Variants in C9orf43 observed in about 807,000 individuals in gnomAD.
C9orf43 encodes uncharacterized protein C9orf43.
In C9orf43, 45 loss-of-function variants were observed where a neutral mutation model predicts 59.1. The observed-to-expected ratio is 0.76, with a 90% confidence interval of 0.60 to 0.98. The LOEUF is 0.98. Ranked by LOEUF, C9orf43 falls within the 50% of genes least tolerant of loss-of-function variation. The pLI is 0.00. For missense variants in C9orf43, 533 were observed against 554.9 expected (o/e 0.96, Z 0.40); for synonymous variants, 203 against 196.8 (o/e 1.03, Z -0.26).
rs1416595880 is a variant in C9orf43 at position 113,429,256 on chromosome 9, A to C, written c.1256A>C (p.Gln419Pro). 2 of 1,614,262 alleles carry C rather than the reference A, an allele frequency of 1.2e-6. No homozygotes were observed. Among genetic ancestry groups the C allele is most frequent in the South Asian group, 2.2e-5 (2 of 91,088 alleles). The change falls in exon 14 of 14, where the codon CAA becomes CCA. Residue 419 changes from glutamine to proline, a missense_variant. Transcript: ENST00000374165. ...GTGCCAGAAGCCCAGGCTGCCAGGCAAAAGAAGATCTCCTTTAACTTTTCA... is the reference window on the plus strand; with the variant it reads ...GTGCCAGAAGCCCAGGCTGCCAGGCCAAAGAAGATCTCCTTTAACTTTTCA... Reference protein sequence around the residue: ...DAVPEAQAARQKKISFNFSEI... With the variant: ...DAVPEAQAARPKKISFNFSEI...
At chr9:113,414,357 C>T (rs1362261618) in intron 3 of C9orf43, among the ~76,000 whole-genome samples, 1 of 152,032 alleles carries the variant, frequency 6.6e-6, no homozygotes, top group Non-Finnish European at 1.5e-5. Flanking sequence ...TCACTGCAGC[C>T]TCAACTTTCT....
chr9:113,414,411 A>G (rs1251698018), intron 3 of C9orf43, among the ~76,000 whole-genome samples: 1 of 151,240 alleles, frequency 6.6e-6, no homozygotes, highest in Admixed American at 6.6e-5. Flanking sequence ...AGTAGCTAGG[A>G]CTACAAGTGT....
In C9orf43 at chr9:113,424,305, C is replaced by T. The variant is rs1397356006; in HGVS notation, c.796C>T (p.Leu266Phe). 9 of 1,609,334 alleles carry T rather than the reference C, an allele frequency of 5.6e-6. 1 individual carries two copies. The highest frequency in any genetic ancestry group is 5.5e-5 in the South Asian group (5 of 90,230). The change falls in exon 8 of 14, where the codon CTC becomes TTC. Residue 266 changes from leucine to phenylalanine, a missense_variant. By Grantham distance (22) the Leu-to-Phe change is conservative. Transcript: ENST00000374165. ...TAAGATGTTTCTATCTATACACCGC[C>T]TCACCCTGGAAGTAAGAGCTAGGAA... Reference protein sequence around the residue: ...SSKMFLSIHRLTLERPALRYP... With the variant: ...SSKMFLSIHRFTLERPALRYP...
At position 113,429,540 on chromosome 9, in the gene C9orf43, G is replaced by C. The variant is rs1286171667; in HGVS notation, c.*154G>C. On this transcript the variant is annotated 3_prime_UTR_variant, in exon 14 of 14. Transcript: ENST00000374165. ...GCCTTTACCAGGGCCTGAGCTCTGA[G>C]CTTAGGGATTCCATTTTCTTTGTTC... The C allele has an allele frequency of 1.3e-5, 8 of 617,426 alleles. No homozygotes were observed. The East Asian group carries it at 1.9e-4, about 15-fold the overall frequency. 38.2% of individuals were successfully genotyped at this position (617,426 alleles called of 1,614,324 possible).
rs2119053224 is a variant in C9orf43 at position 113,413,358 on chromosome 9, ATATTT to A, written c.-49-83_-49-79del. On this transcript the variant is annotated intron_variant, in intron 1 of 13. Transcript: ENST00000374165. Reference sequence around the variant, plus strand: ...ATTTACCTATATAGGTTCAATAGAAATATTTTATACTGTGAGTTCAAATTAACATC... The same window carrying A: ...ATTTACCTATATAGGTTCAATAGAAATATACTGTGAGTTCAAATTAACATC... The A allele has an allele frequency of 4.0e-6, 5 of 1,239,202 alleles. No homozygotes were observed. The South Asian group carries it at 8.0e-5, about 20-fold the overall frequency. The allele number at this position is 1,239,202 out of a possible 1,614,324, so 76.8% of individuals were successfully genotyped here.
intron 3 of C9orf43, among the ~76,000 whole-genome samples, chr9:113,414,481 T>G (rs1828287328): frequency 6.6e-6 from 1 of 151,804 alleles, no homozygotes. Context: ...GACGAGGTCT[T>G]GCTTTGTTGC....
Position 113,422,569 on chromosome 9 carries a change from G to C in C9orf43, c.467G>C (p.Arg156Thr), listed in dbSNP as rs138296577. 2 of 1,613,884 alleles carry C rather than the reference G, an allele frequency of 1.2e-6. No individual in the cohort carries two copies. Residue 156 changes from arginine to threonine, a missense_variant, in exon 6 of 14, where the codon AGA becomes ACA. Coordinates refer to ENST00000374165, the MANE Select transcript of C9orf43 (RefSeq NM_001278629.2). ...IHVSQHGKKK[R>T]KNSAVKSKSF... is the part of the protein sequence containing the mutation. ...TCCAGCCAGCATGGGAAGAAGAAAA[G>C]AAAGAACTCGGCAGTGGTGAGTTTG...
At chr9:113,422,978 C>T (rs1392920510) in intron 6 of C9orf43, among the ~76,000 whole-genome samples, 2 of 152,204 alleles carry the variant, frequency 1.3e-5, no homozygotes, top group African/African-American at 4.8e-5. Context: ...TGTAAGACTG[C>T]TATGTCCATG....
intron 4 of C9orf43, among the ~76,000 whole-genome samples, chr9:113,419,548 T>C (rs1436916904): frequency 1.3e-5 from 2 of 152,282 alleles, no homozygotes; most frequent in East Asian, 3.8e-4. Flanking sequence ...TACAAAGTGT[T>C]TAGCTATGAT....
intron 6 of C9orf43, 44 bp from the exon 7 acceptor site, chr9:113,423,282 A>G (rs368470897): frequency 4.4e-6 from 7 of 1,593,452 alleles, no homozygotes; most frequent in East Asian, 2.2e-5. Flanking sequence ...GGACTAGGCT[A>G]AAAAGAATGC....
At chr9:113,417,554 G>A (rs1352762212) in intron 3 of C9orf43, among the ~76,000 whole-genome samples, 1 of 152,212 alleles carries the variant, frequency 6.6e-6, no homozygotes, top group Admixed American at 6.5e-5. Flanking sequence ...GTCATGAGAG[G>A]ACCGCCCCCT....
At position 113,410,949 on chromosome 9, in the gene C9orf43, CG is replaced by C; in HGVS notation, c.-101del. The C allele has an allele frequency of 2.0e-6, 2 of 986,318 alleles. No individual in the cohort carries two copies. Among genetic ancestry groups the C allele is most frequent in the Non-Finnish European group, 2.4e-6 (2 of 830,456 alleles). 61.1% of individuals were successfully genotyped at this position (986,318 alleles called of 1,614,324 possible). On this transcript the variant is annotated 5_prime_UTR_variant, in exon 1 of 14. It removes the in-frame stop codon of an upstream open reading frame in the 5' UTR. Coordinates refer to ENST00000374165, the MANE Select transcript of C9orf43 (RefSeq NM_001278629.2). ...GTGGGCAGTCTTTTTCCATCTCTACCGAAGTTGATGTTCATTTTTAATCTTT... is the reference window on the plus strand; with the variant it reads ...GTGGGCAGTCTTTTTCCATCTCTACCAAGTTGATGTTCATTTTTAATCTTT...
chr9:113,422,472 G>A, intron 5 of C9orf43, 77 bp from the exon 6 acceptor site: 2 of 1,560,452 alleles, frequency 1.3e-6, no homozygotes, highest in African/African-American at 1.4e-5. Context: ...AGATATCTGG[G>A]AATAAGTTGT....
At chr9:113,422,168 A>G (rs773078754) in intron 5 of C9orf43, among the ~76,000 whole-genome samples, 5 of 152,214 alleles carry the variant, frequency 3.3e-5, no homozygotes, top group African/African-American at 1.2e-4. Flanking sequence ...AGTGAACCAA[A>G]TAGATTTGGT....
At chr9:113,418,683 G>A (rs1198151376) in intron 3 of C9orf43, among the ~76,000 whole-genome samples, 1 of 152,172 alleles carries the variant, frequency 6.6e-6, no homozygotes, top group Non-Finnish European at 1.5e-5. Flanking sequence ...GTGGGTAAGT[G>A]AAACCATGGA....
chr9:113,425,847 A>G (rs1257234240), intron 11 of C9orf43, 117 bp downstream of exon 11: 2 of 807,878 alleles, frequency 2.5e-6, no homozygotes. Flanking sequence ...TCAGGCACTC[A>G]GAGTTTCTTG....
intron 1 of C9orf43, among the ~76,000 whole-genome samples, chr9:113,411,676 T>A (rs1014367161): frequency 6.6e-6 from 1 of 152,102 alleles, no homozygotes; most frequent in African/African-American, 2.4e-5. Flanking sequence ...ATTTTATTTA[T>A]TTTTTAATTT....
rs1348188972 is a variant in C9orf43 at position 113,420,344 on chromosome 9, C to T, written c.346-759C>T. ...CCAGCCTCAAGCAATCCTCCTACCT[C>T]TGTCTACCAAAGTGCATGAGTTGTC... On this transcript the variant is annotated intron_variant, in intron 4 of 13. Transcript: ENST00000374165. Among the ~76,000 whole-genome samples the T allele has an allele frequency of 2.0e-5, 3 of 152,318 alleles. No homozygotes were observed. The South Asian group carries it at 6.2e-4, about 32-fold the overall frequency.
chr9:113,425,354 ACAGCAGCAGCGGCAGCAG>A lies in C9orf43; in HGVS notation c.887_904del (p.Arg296_Gln301del). On this transcript the variant is annotated inframe_deletion, in exon 10 of 14. Transcript: ENST00000374165. The stretch of plus-strand genomic sequence containing the variant: ...CTCTCTGGTCACCAGGTTACAGGAA[ACAGCAGCAGCGGCAGCAG>A]CAGCAGCAGCAGCAACAGAAGAAGG... 1 of 1,613,788 alleles carries A rather than the reference ACAGCAGCAGCGGCAGCAG, an allele frequency of 6.2e-7. No homozygotes were observed. Among genetic ancestry groups the A allele is most frequent in the African/African-American group, 1.3e-5 (1 of 74,990 alleles).
Sources: gnomAD v4.1 joint callset for allele counts (sites outside exome capture counted in the v4.1 genomes callset) on GRCh38, gnomAD v4.1.1 for gene constraint, MANE v1.5 for transcripts, NCBI Gene and HGNC (gene_info 2026-07-23, HGNC 2026-07-21) for gene names.